Variants in GPATCH2 observed in about 807,000 individuals in gnomAD.
GPATCH2 encodes the protein G patch domain-containing protein 2.
GPATCH2 carries 51 observed loss-of-function variants against 58.0 expected under a neutral mutation model. The ratio of observed to expected loss-of-function variants is 0.88; its 90% CI spans 0.70 to 1.11. GPATCH2 has a LOEUF of 1.11. Ranked by LOEUF, GPATCH2 falls within the 50% of genes most tolerant of loss-of-function variation. The pLI is 0.00. For synonymous variants in GPATCH2, 222 were observed against 218.5 expected (o/e 1.02, Z -0.14); for missense variants, 625 against 652.2 (o/e 0.96, Z 0.45).
At chr1:217,511,907 G>A (rs1317463142) in intron 6 of GPATCH2, among the ~76,000 whole-genome samples, 2 of 152,090 alleles carry the variant, frequency 1.3e-5, no homozygotes, top group East Asian at 3.9e-4. Flanking sequence ...ATGATGTGGT[G>A]TCCTGTGGCT....
intron 1 of GPATCH2, among the ~76,000 whole-genome samples, chr1:217,623,672 C>G (rs189631639): frequency 6.6e-6 from 1 of 151,970 alleles, no homozygotes; most frequent in Non-Finnish European, 1.5e-5. Flanking sequence ...GAGGCTAAGG[C>G]GGGCAGATCA....
chr1:217,439,117 G>C (rs1386985233), intron 9 of GPATCH2, among the ~76,000 whole-genome samples: 4 of 152,066 alleles, frequency 2.6e-5, no homozygotes, highest in Admixed American at 2.6e-4. Flanking sequence ...CCACGTAATT[G>C]GAAGTACAAC....
chr1:217,520,004 T>C (rs1014924903), intron 5 of GPATCH2, among the ~76,000 whole-genome samples: 3 of 152,200 alleles, frequency 2.0e-5, no homozygotes, highest in Non-Finnish European at 4.4e-5. Context: ...ATGAAAAATA[T>C]TAGTAAATAT....
intron 8 of GPATCH2, among the ~76,000 whole-genome samples, chr1:217,459,773 G>A (rs1660119023): frequency 6.6e-6 from 1 of 151,902 alleles, no homozygotes; most frequent in Non-Finnish European, 1.5e-5. Flanking sequence ...TTTTTTGAGG[G>A]AAGTCCATGC....
At chr1:217,584,349 A>G (rs917704987) in intron 5 of GPATCH2, among the ~76,000 whole-genome samples, 30 of 86,932 alleles carry the variant, frequency 3.5e-4, no homozygotes, top group African/African-American at 1.1e-3. Context: ...AAAAAAATAT[A>G]TATATATATA....
At position 217,630,883 on chromosome 1, in the gene GPATCH2, T is replaced by A. The variant is rs765543248; in HGVS notation, c.56+33A>T. ...GGCCTCGGGCAATCACACCCTTCCC[T>A]GACCTCCCCCTCCCCAGGGCCGCCA... On this transcript the variant is annotated intron_variant, in intron 1 of 9. Transcript: ENST00000366935. 7.8e-6 allele frequency: 12 copies of A among 1,542,574 alleles called. No homozygotes were observed. The Admixed American group carries it at 1.8e-4, about 23-fold the overall frequency.
chr1:217,562,700 G>T (rs1435660380), intron 5 of GPATCH2, among the ~76,000 whole-genome samples: 1 of 152,096 alleles, frequency 6.6e-6, no homozygotes. Flanking sequence ...AAACCACAGG[G>T]TTTGCTTAGT....
At chr1:217,597,403 C>T (rs1194200351) in intron 5 of GPATCH2, among the ~76,000 whole-genome samples, 1 of 151,378 alleles carries the variant, frequency 6.6e-6, no homozygotes, top group African/African-American at 2.4e-5. Context: ...GCGAGGCTGA[C>T]CGCCCAGCTT....
intron 5 of GPATCH2, among the ~76,000 whole-genome samples, chr1:217,584,443 T>C (rs1667242552): frequency 6.6e-6 from 1 of 150,452 alleles, no homozygotes; most frequent in Admixed American, 6.7e-5. Context: ...GCAGGAGAGT[T>C]GCTTGAACCC....
At chr1:217,620,936 C>T (rs1558533742) in intron 1 of GPATCH2, among the ~76,000 whole-genome samples, 1 of 152,294 alleles carries the variant, frequency 6.6e-6, no homozygotes, top group East Asian at 1.9e-4. Context: ...CTATTCACCA[C>T]GTGCCCTAAC....
intron 5 of GPATCH2, among the ~76,000 whole-genome samples, chr1:217,568,279 C>T (rs1428686446): frequency 1.3e-5 from 2 of 151,908 alleles, no homozygotes; most frequent in Admixed American, 6.6e-5. Context: ...AGTTAAAACG[C>T]AGGATTAAAA....
At chr1:217,630,479 G>C (rs1485110568) in intron 1 of GPATCH2, among the ~76,000 whole-genome samples, 2 of 152,076 alleles carry the variant, frequency 1.3e-5, no homozygotes, top group Non-Finnish European at 2.9e-5. Flanking sequence ...GGGTGAGAGG[G>C]TGATGTGTTT....
rs1252150991 is a variant in GPATCH2 at position 217,514,895 on chromosome 1, G to A, written c.1099-6C>T. The A allele has an allele frequency of 7.1e-7, 1 of 1,400,186 alleles. No homozygotes were observed. Among genetic ancestry groups the A allele is most frequent in the South Asian group, 1.2e-5 (1 of 86,066 alleles). 86.7% of individuals were successfully genotyped at this position (1,400,186 alleles called of 1,614,324 possible). A position where few individuals can be genotyped will look rare whatever the true frequency, so the allele number is the denominator to read the frequency against. On this transcript the variant is annotated splice_region_variant and splice_polypyrimidine_tract_variant and intron_variant, in intron 5 of 9. Coordinates refer to ENST00000366935, the MANE Select transcript of GPATCH2 (RefSeq NM_018040.5). Reference sequence around the variant, plus strand: ...ACTGGGCCAGGAATGGGTACCTACAGGGAGATTTAAAAAGAAAAAATAAAT... The same window carrying A: ...ACTGGGCCAGGAATGGGTACCTACAAGGAGATTTAAAAAGAAAAAATAAAT...
chr1:217,454,588 CAAAAAAAAAAAAAA>C lies in GPATCH2; in HGVS notation c.1278-5265_1278-5252del, dbSNP rs34571192. Among the ~76,000 whole-genome samples the C allele has an allele frequency of 2.2e-3, 134 of 59,630 alleles. 4 individuals are homozygous for C. In the East Asian group the frequency reaches 0.071, roughly 32 times the overall value. The allele number at this position is 59,630 out of a possible 152,430, so 39.1% of individuals were successfully genotyped here. ...TGGGCGACAGAGCGAGACTCTGTCTCAAAAAAAAAAAAAAAAAAAAAACCTTTCCTTTTTTTTTC... is the reference window on the plus strand; with the variant it reads ...TGGGCGACAGAGCGAGACTCTGTCTCAAAAAAAACCTTTCCTTTTTTTTTC... On this transcript the variant is annotated intron_variant, in intron 8 of 9. Coordinates refer to ENST00000366935, the MANE Select transcript of GPATCH2 (RefSeq NM_018040.5).
At chr1:217,433,833 G>C (rs1417701462) in intron 9 of GPATCH2, among the ~76,000 whole-genome samples, 1 of 152,246 alleles carries the variant, frequency 6.6e-6, no homozygotes, top group Non-Finnish European at 1.5e-5. Flanking sequence ...GTGGGGAACA[G>C]CAAGTGAGTC....
At chr1:217,519,361 T>C (rs1663334971) in intron 5 of GPATCH2, among the ~76,000 whole-genome samples, 1 of 152,190 alleles carries the variant, frequency 6.6e-6, no homozygotes, top group Non-Finnish European at 1.5e-5. Context: ...ACACTAAAAT[T>C]ACTTTTAAAG....
In GPATCH2 at chr1:217,631,043, C is replaced by G. The variant is rs1453612410; in HGVS notation, c.-72G>C. The G allele has an allele frequency of 5.7e-6, 8 of 1,400,068 alleles. No homozygotes were observed. Among genetic ancestry groups the G allele is most frequent in the Non-Finnish European group, 6.8e-6 (7 of 1,021,980 alleles). The allele number at this position is 1,400,068 out of a possible 1,614,324, so 86.7% of individuals were successfully genotyped here. On this transcript the variant is annotated 5_prime_UTR_variant, in exon 1 of 10. Transcript: ENST00000366935. ...ACTCCAACTACAACAGCACCGGCGA[C>G]TTCCAAAGAGCAGTTCAGCATTTTG...
intron 5 of GPATCH2, among the ~76,000 whole-genome samples, chr1:217,592,633 T>C (rs1391877718): frequency 6.6e-6 from 1 of 151,968 alleles, no homozygotes; most frequent in Non-Finnish European, 1.5e-5. Flanking sequence ...TTTGTACATG[T>C]AGTGTTCATG....
intron 5 of GPATCH2, among the ~76,000 whole-genome samples, chr1:217,524,883 G>GA (rs2102608217): frequency 1.6e-3 from 2 of 1,216 alleles, no homozygotes; most frequent in Admixed American, 4.9e-3. Context: ...AGAGGGGGGA[G>GA]GGGGGAGGGG....
Sources: gnomAD v4.1 joint callset for allele counts (sites outside exome capture counted in the v4.1 genomes callset) on GRCh38, gnomAD v4.1.1 for gene constraint, MANE v1.5 for transcripts, NCBI Gene and HGNC (gene_info 2026-07-23, HGNC 2026-07-21) for gene names.